Variants in ERBB4 observed in about 807,000 individuals in gnomAD.
ERBB4 encodes the protein erb-b2 receptor tyrosine kinase 4.
A neutral mutation model predicts 158.0 loss-of-function variants in ERBB4; 42 were observed. That is an observed-to-expected ratio of 0.27 (90% CI 0.21 to 0.34). The LOEUF (loss-of-function observed/expected upper bound fraction) is 0.34. ERBB4 is among the 10% of genes least tolerant of loss of function. The probability of loss-of-function intolerance (pLI) is 1.00; values close to 1 mark genes in which losing one functional copy is unlikely to be tolerated. For missense variants in ERBB4, 1,333 were observed against 1,624.1 expected, an observed-to-expected ratio of 0.82 and a Z score of 3.08; for synonymous variants, 583 against 558.7, an observed-to-expected ratio of 1.04 and a Z score of -0.61.
At chr2:212,206,997 CAA>C (rs530343240) in intron 1 of ERBB4, among the ~76,000 whole-genome samples, 2 of 117,588 alleles carry the variant, frequency 1.7e-5, no homozygotes, top group African/African-American at 3.1e-5. Flanking sequence ...TGAGAAGTTT[CAA>C]AAAAAAAAAA....
Position 211,722,112 on chromosome 2 carries a change from C to T in ERBB4, c.883+281G>A, listed in dbSNP as rs148010399. Among the ~76,000 whole-genome samples the T allele has an allele frequency of 8.6e-3, 1,304 of 152,280 alleles. 21 individuals are homozygous for T. The highest frequency in any genetic ancestry group is 0.048 in the Middle Eastern group (14 of 294). On this transcript the variant is annotated intron_variant, in intron 7 of 27. Transcript: ENST00000342788. ...TCCTGACCTCAGGTGCCACCCACCT[C>T]GGCCTCCCAAAGTGCTGGCATTACA...
intron 1 of ERBB4, among the ~76,000 whole-genome samples, chr2:212,485,436 G>C (rs1488673305): frequency 6.6e-6 from 1 of 152,114 alleles, no homozygotes; most frequent in African/African-American, 2.4e-5. Context: ...TGTATCCTTT[G>C]TTCTTAGCAC....
At chr2:211,715,707 A>T (rs1017253972) in intron 7 of ERBB4, among the ~76,000 whole-genome samples, 1 of 152,132 alleles carries the variant, frequency 6.6e-6, no homozygotes, top group Non-Finnish European at 1.5e-5. Flanking sequence ...TGCTCTGGCC[A>T]TGGAAGACAT....
At chr2:212,508,841 T>C (rs1175988747) in intron 1 of ERBB4, among the ~76,000 whole-genome samples, 1 of 152,128 alleles carries the variant, frequency 6.6e-6, no homozygotes, top group East Asian at 1.9e-4. Context: ...ATTTTTGACA[T>C]TTTTCCACTA....
At chr2:211,601,048 C>A (rs2068785230) in intron 19 of ERBB4, among the ~76,000 whole-genome samples, 1 of 152,026 alleles carries the variant, frequency 6.6e-6, no homozygotes, top group South Asian at 2.1e-4. Flanking sequence ...AGGGAGGAGA[C>A]AATTCAGGGA....
intron 1 of ERBB4, among the ~76,000 whole-genome samples, chr2:212,312,457 T>C (rs528503030): frequency 6.6e-6 from 1 of 151,154 alleles, no homozygotes; most frequent in South Asian, 2.1e-4. Flanking sequence ...AAATGTCTAT[T>C]TTAGCCTCAA....
At chr2:212,016,760 T>C (rs2076538195) in intron 2 of ERBB4, among the ~76,000 whole-genome samples, 1 of 152,122 alleles carries the variant, frequency 6.6e-6, no homozygotes, top group Non-Finnish European at 1.5e-5. Context: ...ATAATGATAG[T>C]GAGATACCTT....
chr2:211,507,274 C>A (rs377668205), intron 20 of ERBB4, among the ~76,000 whole-genome samples: 69 of 152,226 alleles, frequency 4.5e-4, no homozygotes, highest in African/African-American at 1.6e-3. Context: ...TGAATTTTGT[C>A]AGACTTACAA....
intron 1 of ERBB4, among the ~76,000 whole-genome samples, chr2:212,170,781 G>T (rs528087758): frequency 1.1e-4 from 16 of 152,290 alleles, no homozygotes; most frequent in African/African-American, 3.8e-4. Flanking sequence ...TGAGGTTTGG[G>T]AACCTCTGCC....
At chr2:211,932,706 T>G (rs1397957724) in intron 3 of ERBB4, among the ~76,000 whole-genome samples, 2 of 151,934 alleles carry the variant, frequency 1.3e-5, no homozygotes, top group Non-Finnish European at 2.9e-5. Flanking sequence ...AATACAAAAT[T>G]TTGTAATTCC....
At chr2:212,285,606 G>A (rs1162827972) in intron 1 of ERBB4, among the ~76,000 whole-genome samples, 1 of 151,950 alleles carries the variant, frequency 6.6e-6, no homozygotes, top group African/African-American at 2.4e-5. Context: ...AGTCAACCTG[G>A]ATTAAAAATC....
At position 211,562,769 on chromosome 2, in the gene ERBB4, C is replaced by CTTTTT. The variant is rs367801279; in HGVS notation, c.2302-686_2302-682dup. 6.5e-3 allele frequency among the ~76,000 whole-genome samples: 818 copies of CTTTTT among 125,658 alleles called. 83 individuals are homozygous for CTTTTT. Among genetic ancestry groups the CTTTTT allele is most frequent in the African/African-American group, 0.027 (755 of 28,252 alleles). 82.4% of individuals were successfully genotyped at this position (125,658 alleles called of 152,430 possible). A position where few individuals can be genotyped will look rare whatever the true frequency, so the allele number is the denominator to read the frequency against. The stretch of plus-strand genomic sequence containing the variant: ...GACTATAAAAATTTGACTACTCCAA[C>CTTTTT]TTTTTTTTTTTTTTTTTTTTGAGAC... On this transcript the variant is annotated intron_variant, in intron 19 of 27. Coordinates refer to ENST00000342788, the MANE Select transcript of ERBB4 (RefSeq NM_005235.3).
At chr2:211,729,128 A>T (rs2074358232) in intron 5 of ERBB4, among the ~76,000 whole-genome samples, 2 of 151,824 alleles carry the variant, frequency 1.3e-5, no homozygotes, top group Non-Finnish European at 3.0e-5. Flanking sequence ...ATTTTTGAAA[A>T]TAGCAACTTT....
At chr2:212,321,155 A>C (rs2087551524) in intron 1 of ERBB4, among the ~76,000 whole-genome samples, 1 of 150,432 alleles carries the variant, frequency 6.6e-6, no homozygotes, top group South Asian at 2.1e-4. Context: ...TAATACTGTA[A>C]CATGCACTAT....
intron 1 of ERBB4, among the ~76,000 whole-genome samples, chr2:212,449,788 G>GA (rs541491305): frequency 2.1e-4 from 32 of 151,854 alleles, no homozygotes; most frequent in Non-Finnish European, 2.9e-5. Flanking sequence ...ACCAGGCTTG[G>GA]ATAAACACCC....
chr2:211,445,976 G>A (rs2064102920), intron 20 of ERBB4, among the ~76,000 whole-genome samples: 1 of 152,164 alleles, frequency 6.6e-6, no homozygotes, highest in Non-Finnish European at 1.5e-5. Context: ...TAAAGGAAGA[G>A]ACATTTCCTC....
intron 20 of ERBB4, among the ~76,000 whole-genome samples, chr2:211,470,702 T>C (rs2064809233): frequency 6.6e-6 from 1 of 152,218 alleles, no homozygotes; most frequent in Non-Finnish European, 1.5e-5. Flanking sequence ...AACTCACCAG[T>C]GGATCTTGTT....
At chr2:211,836,667 C>T (rs1050361295) in intron 3 of ERBB4, among the ~76,000 whole-genome samples, 18 of 151,986 alleles carry the variant, frequency 1.2e-4, no homozygotes. Context: ...TATTCAACTT[C>T]CCAAACACCA....
intron 6 of ERBB4, 102 bp from the exon 7 acceptor site, chr2:211,722,636 C>G (rs917047598): frequency 5.2e-6 from 6 of 1,162,876 alleles, no homozygotes; most frequent in Non-Finnish European, 7.6e-6. Context: ...AATAATTCCA[C>G]AAATATTACA....
Sources: gnomAD v4.1 joint callset for allele counts (sites outside exome capture counted in the v4.1 genomes callset) on GRCh38, gnomAD v4.1.1 for gene constraint, MANE v1.5 for transcripts, NCBI Gene and HGNC (gene_info 2026-07-23, HGNC 2026-07-21) for gene names.